Variants in XRCC6 observed in about 807,000 individuals in gnomAD.
XRCC6 encodes the protein X-ray repair cross complementing 6.
In XRCC6, 5 loss-of-function variants were observed where a neutral mutation model predicts 65.7. That is an observed-to-expected ratio of 0.08 (90% CI 0.04 to 0.16). The LOEUF is 0.16. Ranked by LOEUF, XRCC6 falls within the 10% of genes least tolerant of loss-of-function variation. XRCC6 has a pLI of 1.00. For missense variants in XRCC6, 447 were observed against 738.1 expected, an observed-to-expected ratio of 0.61 and a Z score of 4.57; for synonymous variants, 270 against 270.6, an observed-to-expected ratio of 1.00 and a Z score of 0.02.
rs985016168 is a variant in XRCC6, at chr22:41,636,358, T to C, written c.334+107T>C. On this transcript the variant is annotated intron_variant, in intron 4 of 12. Coordinates refer to ENST00000360079, the MANE Select transcript of XRCC6 (RefSeq NM_001469.5). The stretch of plus-strand genomic sequence containing the variant: ...GCAAGTTACATCTTGTCTAGGAGTA[T>C]GCTTTCCTCCATAAGGGGACCTTGC... The C allele has an allele frequency of 9.4e-6, 14 of 1,492,342 alleles. No individual in the cohort carries two copies. In the African/African-American group the frequency reaches 1.7e-4, roughly 18 times the overall value. 92.4% of individuals were successfully genotyped at this position (1,492,342 alleles called of 1,614,324 possible). A position where few individuals can be genotyped will look rare whatever the true frequency, so the allele number is the denominator to read the frequency against.
intron 2 of XRCC6, among the ~76,000 whole-genome samples, chr22:41,625,331 T>C (rs889669355): frequency 5.9e-5 from 9 of 151,940 alleles, no homozygotes; most frequent in East Asian, 1.9e-4. Context: ...ATTAAACTTA[T>C]TAAGAAGCAG....
intron 9 of XRCC6, among the ~76,000 whole-genome samples, chr22:41,656,638 C>G (rs6002428): frequency 1.1e-4 from 17 of 152,284 alleles, no homozygotes; most frequent in African/African-American, 4.1e-4. Flanking sequence ...GGTATCCTCC[C>G]GGGTTCTTCA....
chr22:41,627,597 G>A (rs1374236871), intron 2 of XRCC6, among the ~76,000 whole-genome samples: 3 of 122,964 alleles, frequency 2.4e-5, no homozygotes, highest in Non-Finnish European at 4.8e-5. Flanking sequence ...GCAACAGAGC[G>A]AGACTCCGTC....
Position 41,661,323 on chromosome 22 carries a change from T to A in XRCC6, c.1523-8T>A, listed in dbSNP as rs375491143. ...ACCAGGCCACTCTTCTGTGTTTTGA[T>A]TTTCTAGTGCCCAAGGTTGAAGCAA... On this transcript the variant is annotated splice_region_variant and splice_polypyrimidine_tract_variant and intron_variant, in intron 11 of 12. Transcript: ENST00000360079. 16 of 1,611,206 alleles carry A rather than the reference T, an allele frequency of 9.9e-6. No individual in the cohort carries two copies. The highest frequency in any genetic ancestry group is 1.8e-4 in the Middle Eastern group (1 of 5,650).
intron 6 of XRCC6, 61 bp downstream of exon 6, chr22:41,637,852 C>T (rs544413167): frequency 1.2e-5 from 18 of 1,527,292 alleles, no homozygotes; most frequent in East Asian, 4.8e-5. Flanking sequence ...AGGCTGGGCG[C>T]GGTGGCTCAC....
intron 7 of XRCC6, 79 bp from the exon 8 acceptor site, chr22:41,650,644 T>G: frequency 6.8e-7 from 1 of 1,477,984 alleles, no homozygotes; most frequent in Non-Finnish European, 9.3e-7. Flanking sequence ...GATTTTAACT[T>G]GCTAGTGTCA....
intron 2 of XRCC6, among the ~76,000 whole-genome samples, chr22:41,626,722 C>T (rs956450138): frequency 5.3e-5 from 8 of 151,334 alleles, no homozygotes; most frequent in Admixed American, 6.6e-5. Flanking sequence ...ACTGGAAGCT[C>T]CCCCTCCCGG....
At chr22:41,633,397 A>ATT (rs200290321) in intron 3 of XRCC6, among the ~76,000 whole-genome samples, 9 of 138,900 alleles carry the variant, frequency 6.5e-5, no homozygotes, top group African/African-American at 1.0e-4. Context: ...CCGTGGACCT[A>ATT]TTTTTTTTTT....
intron 7 of XRCC6, among the ~76,000 whole-genome samples, chr22:41,649,847 AAAT>A (rs2067977685): frequency 1.1e-5 from 1 of 92,866 alleles, no homozygotes; most frequent in Non-Finnish European, 2.9e-5. Context: ...TCAAAAAAAA[AAAT>A]AATAATAAAT....
chr22:41,634,800 C>G (rs2067792504), intron 3 of XRCC6, among the ~76,000 whole-genome samples: 1 of 152,056 alleles, frequency 6.6e-6, no homozygotes, highest in South Asian at 2.1e-4. Context: ...GCCTTGGCCT[C>G]CCAAAGTGCT....
chr22:41,647,281 A>T (rs941137956), intron 7 of XRCC6, among the ~76,000 whole-genome samples, 199 bp downstream of exon 7: 2 of 151,932 alleles, frequency 1.3e-5, no homozygotes, highest in Admixed American at 6.6e-5. Flanking sequence ...TTATTTATTT[A>T]TTTTTTAAGA....
chr22:41,640,340 G>A (rs893488932), intron 6 of XRCC6, among the ~76,000 whole-genome samples: 2 of 150,506 alleles, frequency 1.3e-5, no homozygotes, highest in African/African-American at 2.4e-5. Flanking sequence ...TAGTAGAGAC[G>A]GGGTTTCACC....
At chr22:41,633,743 C>T (rs1172806124) in intron 3 of XRCC6, among the ~76,000 whole-genome samples, 1 of 152,088 alleles carries the variant, frequency 6.6e-6, no homozygotes, top group Non-Finnish European at 1.5e-5. Context: ...AAAGATAGTA[C>T]TCACAATTCT....
intron 10 of XRCC6, 49 bp from the exon 11 acceptor site, chr22:41,658,203 A>G (rs1391464864): frequency 6.3e-7 from 1 of 1,590,398 alleles, no homozygotes; most frequent in Non-Finnish European, 8.6e-7. Context: ...TAATTTTTTC[A>G]ATGTTTAAAT....
chr22:41,639,329 CTTTTTTTTTTTT>C (rs386395480), intron 6 of XRCC6, among the ~76,000 whole-genome samples: 13 of 64,584 alleles, frequency 2.0e-4, no homozygotes, highest in Middle Eastern at 0.021. Flanking sequence ...GATTCTTTTT[CTTTTTTTTTTTT>C]TTTTTTTTTT....
chr22:41,642,531 C>T (rs946811312), intron 6 of XRCC6, among the ~76,000 whole-genome samples: 8 of 152,178 alleles, frequency 5.3e-5, no homozygotes, highest in African/African-American at 1.9e-4. Flanking sequence ...TTGCCAAGCT[C>T]AATGTGCTGG....
intron 3 of XRCC6, among the ~76,000 whole-genome samples, chr22:41,629,636 G>T (rs532697235): frequency 1.7e-4 from 26 of 151,978 alleles, no homozygotes; most frequent in Non-Finnish European, 2.9e-5. Context: ...GCACAACATT[G>T]TGAATGTTTG....
chr22:41,631,427 T>TG (rs1300394912), intron 3 of XRCC6, among the ~76,000 whole-genome samples: 3 of 144,410 alleles, frequency 2.1e-5, no homozygotes, highest in Non-Finnish European at 4.5e-5. Context: ...GGTTGCCGGG[T>TG]GGAGGGTCTC....
At chr22:41,656,047 T>C (rs2068041695) in intron 9 of XRCC6, among the ~76,000 whole-genome samples, 1 of 150,654 alleles carries the variant, frequency 6.6e-6, no homozygotes, top group South Asian at 2.1e-4. Context: ...CTGAGCAACA[T>C]GGTGAAACTC....
Sources: gnomAD v4.1 joint callset for allele counts (sites outside exome capture counted in the v4.1 genomes callset) on GRCh38, gnomAD v4.1.1 for gene constraint, MANE v1.5 for transcripts, NCBI Gene and HGNC (gene_info 2026-07-23, HGNC 2026-07-21) for gene names.